PLXNA2: variants seen among roughly 807,000 people sequenced by gnomAD.
PLXNA2 encodes plexin A2.
PLXNA2 carries 91 observed loss-of-function variants against 193.5 expected under a neutral mutation model. The ratio of observed to expected loss-of-function variants is 0.47; its 90% CI spans 0.40 to 0.56. PLXNA2 has a LOEUF of 0.56. Among genes scored for constraint, PLXNA2 ranks in the 20% least tolerant of loss-of-function variants. The probability of loss-of-function intolerance (pLI) is 0.00; values close to 1 mark genes in which losing one functional copy is unlikely to be tolerated. For missense variants in PLXNA2, 1,995 were observed against 2,503.2 expected (o/e 0.80, Z 4.33); for synonymous variants, 997 against 1,027.3 (o/e 0.97, Z 0.56).
At chr1:208,127,702 C>T (rs929384192) in intron 4 of PLXNA2, among the ~76,000 whole-genome samples, 1 of 152,168 alleles carries the variant, frequency 6.6e-6, no homozygotes, top group South Asian at 2.1e-4. Flanking sequence ...TGGTAAAGCT[C>T]AAAAAGTTGG....
chr1:208,033,297 G>C, intron 28 of PLXNA2, 22 bp downstream of exon 28: 2 of 1,600,258 alleles, frequency 1.2e-6, no homozygotes, highest in Non-Finnish European at 1.7e-6. Context: ...GCACTCCCTG[G>C]TCTGGGCAGA....
chr1:208,120,773 G>C (rs1207006129), intron 4 of PLXNA2, among the ~76,000 whole-genome samples: 2 of 152,160 alleles, frequency 1.3e-5, no homozygotes, highest in African/African-American at 4.8e-5. Context: ...GAGACAGAAT[G>C]TTTTTAAGTA....
At chr1:208,172,205 T>G (rs970587698) in intron 3 of PLXNA2, among the ~76,000 whole-genome samples, 19 of 151,792 alleles carry the variant, frequency 1.3e-4, no homozygotes, top group African/African-American at 4.1e-4. Context: ...ACATATTGTT[T>G]GCAGACCTAT....
intron 1 of PLXNA2, among the ~76,000 whole-genome samples, chr1:208,242,872 T>C (rs1339114878): frequency 6.6e-6 from 1 of 152,088 alleles, no homozygotes. Flanking sequence ...GATCCCTACC[T>C]CACTTGTGGG....
At chr1:208,056,959 C>T (rs535133836) in intron 13 of PLXNA2, among the ~76,000 whole-genome samples, 2 of 152,258 alleles carry the variant, frequency 1.3e-5, no homozygotes, top group South Asian at 4.2e-4. Context: ...TCCTGGGACC[C>T]AGTGCCTGCA....
At chr1:208,045,267 T>A in intron 18 of PLXNA2, 57 bp from the exon 19 acceptor site, 1 of 1,562,412 alleles carries the variant, frequency 6.4e-7, no homozygotes, top group East Asian at 2.3e-5. Context: ...ACAAGTTAAT[T>A]GCCTACTTAA....
intron 4 of PLXNA2, among the ~76,000 whole-genome samples, chr1:208,122,934 C>CA (rs974130445): frequency 1.3e-5 from 2 of 152,032 alleles, no homozygotes; most frequent in Admixed American, 1.3e-4. Flanking sequence ...ATTCACACAC[C>CA]AAAAAATTCA....
chr1:208,085,058 C>T (rs1298187961), intron 9 of PLXNA2, among the ~76,000 whole-genome samples: 1 of 151,798 alleles, frequency 6.6e-6, no homozygotes, highest in African/African-American at 2.4e-5. Context: ...TCAAGCCCTC[C>T]CAGCAATACT....
chr1:208,084,670 G>A (rs895162673), intron 9 of PLXNA2, 90 bp from the exon 10 acceptor site: 5 of 1,262,014 alleles, frequency 4.0e-6, no homozygotes, highest in Non-Finnish European at 3.4e-6. Context: ...TATCAGGTGA[G>A]CTGCCCAAGA....
rs966993350 is a variant in PLXNA2, at chr1:208,216,910, A to G, written c.1013T>C (p.Ile338Thr). ...ITSQDDVLFA[I>T]FSKGQKQYHH... ...ATACTGCTTCTGCCCTTTGGAGAAGATGGCAAAGAGTACATCGTCCTGGCT... is the reference window on the plus strand; with the variant it reads ...ATACTGCTTCTGCCCTTTGGAGAAGGTGGCAAAGAGTACATCGTCCTGGCT... The change falls in exon 2 of 32, where the codon ATC becomes ACC. Residue 338 changes from isoleucine to threonine, a missense_variant. By Grantham distance (89) the Ile-to-Thr change is moderately conservative. Transcript: ENST00000367033. 4 of 1,614,076 alleles carry G rather than the reference A, an allele frequency of 2.5e-6. No individual in the cohort carries two copies. In the Admixed American group the frequency reaches 6.7e-5, roughly 27 times the overall value.
intron 4 of PLXNA2, among the ~76,000 whole-genome samples, chr1:208,116,145 C>A (rs1178115278): frequency 6.6e-6 from 1 of 152,214 alleles, no homozygotes; most frequent in Non-Finnish European, 1.5e-5. Flanking sequence ...CCTCCCCTCT[C>A]CCGCTCATGT....
rs1263182436 is a variant in PLXNA2 at position 208,176,386 on chromosome 1, G to A, written c.1371+33894C>T. ...GAGCAAGGAGCCATGGCCAACTTAA[G>A]CATGGGTTTCCAGGCTACAAACAAC... On this transcript the variant is annotated intron_variant, in intron 3 of 31. Transcript: ENST00000367033. Among the ~76,000 whole-genome samples the A allele has an allele frequency of 2.6e-5, 4 of 152,192 alleles. No individual in the cohort carries two copies. The East Asian group carries it at 7.7e-4, about 29-fold the overall frequency.
At position 208,043,061 on chromosome 1, in the gene PLXNA2, C is replaced by T. The variant is rs1285063013; in HGVS notation, c.4017G>A (p.Glu1339=). The T allele has an allele frequency of 4.3e-6, 7 of 1,613,214 alleles. No individual in the cohort carries two copies. The change falls in exon 21 of 32, where the codon GAG becomes GAA. Residue 1339 remains glutamate (E), a splice_region_variant and synonymous_variant. Coordinates refer to ENST00000367033, the MANE Select transcript of PLXNA2 (RefSeq NM_025179.4). ...GCTGGGCCCAGGAGGCAGGCATTAC[C>T]TCCAGCTCCCGCAGGACGGGGTGGT... The part of the protein sequence containing the change: ...IEDHPVLREL[E]VQGNGQQHVE...
At chr1:208,041,970 C>T in intron 22 of PLXNA2, 128 bp downstream of exon 22, 1 of 954,116 alleles carries the variant, frequency 1.0e-6, no homozygotes, top group Non-Finnish European at 1.6e-6. Context: ...AGGACACAGG[C>T]TGCTCTGAAT....
chr1:208,220,249 G>C (rs1037834135), intron 1 of PLXNA2, among the ~76,000 whole-genome samples: 4 of 152,236 alleles, frequency 2.6e-5, no homozygotes, highest in African/African-American at 9.6e-5. Flanking sequence ...GTTGTTGTTA[G>C]ACAGAATCTG....
chr1:208,119,358 G>C (rs7516841), intron 4 of PLXNA2, among the ~76,000 whole-genome samples: 145,710 of 152,288 alleles, frequency 0.96, 70,043 homozygotes, highest in East Asian at 1. Context: ...AGCGAAAGGT[G>C]TCCGGATGCT....
At chr1:208,228,066 A>T (rs1490326213) in intron 1 of PLXNA2, among the ~76,000 whole-genome samples, 1 of 152,156 alleles carries the variant, frequency 6.6e-6, no homozygotes, top group Non-Finnish European at 1.5e-5. Flanking sequence ...CCATGAACTG[A>T]CCCTAAAATC....
intron 4 of PLXNA2, among the ~76,000 whole-genome samples, chr1:208,103,664 A>G (rs1319360509): frequency 6.6e-6 from 1 of 152,258 alleles, no homozygotes; most frequent in East Asian, 1.9e-4. Flanking sequence ...AAAACATTCA[A>G]AAAGGGAAAG....
chr1:208,037,122 C>G (rs550086272), intron 26 of PLXNA2, among the ~76,000 whole-genome samples: 2 of 152,274 alleles, frequency 1.3e-5, no homozygotes, highest in Admixed American at 6.5e-5. Context: ...GCACCTCACA[C>G]TTTCGCAAGT....
Sources: gnomAD v4.1 joint callset for allele counts (sites outside exome capture counted in the v4.1 genomes callset) on GRCh38, gnomAD v4.1.1 for gene constraint, MANE v1.5 for transcripts, NCBI Gene and HGNC (gene_info 2026-07-23, HGNC 2026-07-21) for gene names.